The following EOGT variants were observed in gnomAD, a reference collection of about 807,000 sequenced individuals.
The protein encoded by EOGT is EGF domain specific O-linked N-acetylglucosamine transferase, also known as EGF domain-specific O-linked N-acetylglucosamine transferase.
Under a neutral mutation model 70.5 loss-of-function variants are expected in EOGT, and 55 were observed. The observed-to-expected ratio is 0.78, with a 90% CI of 0.63 to 0.98. The LOEUF (loss-of-function observed/expected upper bound fraction) is 0.98. Ranked by LOEUF, EOGT falls within the 50% of genes least tolerant of loss-of-function variation. The pLI, the probability that EOGT is intolerant of heterozygous loss-of-function variation, is 0.00. For synonymous variants in EOGT, 246 were observed against 217.1 expected (o/e 1.13, Z -1.17); for missense variants, 703 against 641.9 (o/e 1.10, Z -1.03).
intron 14 of EOGT, among the ~76,000 whole-genome samples, chr3:68,986,068 C>T (rs945014824): frequency 1.1e-4 from 16 of 152,310 alleles, no homozygotes; most frequent in Admixed American, 3.3e-4. Flanking sequence ...CCCTCTCCCA[C>T]TTTTAAGGAA....
chr3:69,010,840 A>T (rs998103863), intron 3 of EOGT, among the ~76,000 whole-genome samples: 1 of 152,212 alleles, frequency 6.6e-6, no homozygotes, highest in African/African-American at 2.4e-5. Flanking sequence ...AATCATAATC[A>T]AGGTATGAGC....
chr3:68,986,239 G>A (rs1407181314), intron 14 of EOGT, among the ~76,000 whole-genome samples: 1 of 152,120 alleles, frequency 6.6e-6, no homozygotes, highest in African/African-American at 2.4e-5. Flanking sequence ...AAGGCCAGTT[G>A]GTTGGGGACC....
At chr3:68,997,204 G>A (rs1446862542) in intron 10 of EOGT, among the ~76,000 whole-genome samples, 1 of 152,186 alleles carries the variant, frequency 6.6e-6, no homozygotes, top group Non-Finnish European at 1.5e-5. Context: ...GCATGCCTAA[G>A]ACCTGCCCTT....
chr3:69,011,506 G>T (rs1192721597), intron 3 of EOGT, among the ~76,000 whole-genome samples: 2 of 148,836 alleles, frequency 1.3e-5, no homozygotes, highest in Non-Finnish European at 3.0e-5. Flanking sequence ...GAAGTGGGAG[G>T]ATCACTTTAG....
chr3:68,994,304 C>T (rs2091082956), intron 10 of EOGT, among the ~76,000 whole-genome samples: 1 of 151,994 alleles, frequency 6.6e-6, no homozygotes, highest in Non-Finnish European at 1.5e-5. Flanking sequence ...GGATCATATT[C>T]CTGGACTTTA....
Position 68,975,800 on chromosome 3 carries a change from G to A in EOGT, c.*1818C>T, listed in dbSNP as rs2107093391. ...TAATAAATATTCCTCAATTCTAGAA[G>A]ACTGTTCCAATCCTTTAAAGTGGGG... On this transcript the variant is annotated 3_prime_UTR_variant, in exon 18 of 18. Coordinates refer to ENST00000383701, the MANE Select transcript of EOGT (RefSeq NM_001278689.2). 6.6e-6 allele frequency: 1 copy of A among 152,252 alleles called. No homozygotes were observed. Among genetic ancestry groups the A allele is most frequent in the African/African-American group, 2.4e-5 (1 of 41,546 alleles). 9.4% of individuals were successfully genotyped at this position (152,252 alleles called of 1,614,324 possible).
chr3:68,987,868 T>C, intron 13 of EOGT: 1 of 340,364 alleles, frequency 2.9e-6, no homozygotes, highest in Non-Finnish European at 5.3e-6. Context: ...TTAGCTTCTC[T>C]TTTATAGGTT....
In EOGT at chr3:68,988,319, T is replaced by A. The variant is rs947068219; in HGVS notation, c.1059A>T (p.Leu353=). The change falls in exon 13 of 18, where the codon CTA becomes CTT. Residue 353 remains leucine, a synonymous_variant. Coordinates refer to ENST00000383701, the MANE Select transcript of EOGT (RefSeq NM_001278689.2). ...CCTTAGGTCCTTCTTGTGTGATGTT[T>A]AGTCTGTGTAGTACATGCTGGGCAA... ...RAFAQHVLHR[L]NITQEGPKDG... 6.5e-7 allele frequency: 1 copy of A among 1,535,910 alleles called. No individual in the cohort carries two copies. The highest frequency in any genetic ancestry group is 8.7e-7 in the Non-Finnish European group (1 of 1,146,786).
Position 68,980,711 on chromosome 3 carries a change from G to A in EOGT, c.1215-924C>T, listed in dbSNP as rs745412274. 3.2e-4 allele frequency among the ~76,000 whole-genome samples: 48 copies of A among 152,192 alleles called. 1 individual carries two copies. Among genetic ancestry groups the A allele is most frequent in the Admixed American group, 5.9e-4 (9 of 15,286 alleles). On this transcript the variant is annotated intron_variant, in intron 15 of 17. Transcript: ENST00000383701. ...GCTCCATGTGTATGTGTATCACAAC[G>A]AGAACATGTGCCTCAGTTTCTCCAG... is the stretch of plus-strand genomic sequence containing the variant.
chr3:68,998,138 A>G, intron 9 of EOGT, 24 bp from the exon 10 acceptor site: 1 of 1,232,870 alleles, frequency 8.1e-7, no homozygotes, highest in Middle Eastern at 1.9e-4. Context: ...ATGAAACTAC[A>G]TTAATTAACA....
At chr3:68,989,712 C>T (rs950211380) in intron 10 of EOGT, among the ~76,000 whole-genome samples, 1 of 146,010 alleles carries the variant, frequency 6.8e-6, no homozygotes, top group Non-Finnish European at 1.5e-5. Flanking sequence ...CATGCCATTG[C>T]ACTCCAGCCT....
At chr3:68,999,849 C>T (rs2091250035) in intron 9 of EOGT, among the ~76,000 whole-genome samples, 1 of 152,148 alleles carries the variant, frequency 6.6e-6, no homozygotes, top group Non-Finnish European at 1.5e-5. Flanking sequence ...AAAACATAAG[C>T]TCCATCCTTG....
rs759806824 is a variant in EOGT at position 69,009,863 on chromosome 3, A to G, written c.-14-3T>C. 6.2e-7 allele frequency: 1 copy of G among 1,605,574 alleles called. No homozygotes were observed. The highest frequency in any genetic ancestry group is 8.5e-7 in the Non-Finnish European group (1 of 1,174,152). On this transcript the variant is annotated splice_polypyrimidine_tract_variant and splice_region_variant and intron_variant, in intron 3 of 17. Transcript: ENST00000383701. Reference sequence around the variant, plus strand: ...CATTAACATAGCAACCTGCAAACCTAGAGATCAAAATGAAGACAACTTTGT... The same window carrying G: ...CATTAACATAGCAACCTGCAAACCTGGAGATCAAAATGAAGACAACTTTGT...
At chr3:68,989,455 G>C (rs1249008101) in intron 10 of EOGT, among the ~76,000 whole-genome samples, 7 of 152,002 alleles carry the variant, frequency 4.6e-5, no homozygotes, top group Admixed American at 2.6e-4. Context: ...TGGGTTCAAA[G>C]TTTTAACACT....
chr3:68,983,547 C>T (rs994615711), intron 14 of EOGT, among the ~76,000 whole-genome samples: 5 of 152,220 alleles, frequency 3.3e-5, no homozygotes, highest in African/African-American at 1.2e-4. Flanking sequence ...GTCATGTTGC[C>T]TTGTGGCATG....
Position 69,013,659 on chromosome 3 carries a change from A to G in EOGT, c.-441T>C, listed in dbSNP as rs777883068. 109 of 152,782 alleles carry G rather than the reference A, an allele frequency of 7.1e-4. No homozygotes were observed. Among genetic ancestry groups the G allele is most frequent in the Middle Eastern group, 3.3e-3 (1 of 300 alleles). 9.5% of individuals were successfully genotyped at this position (152,782 alleles called of 1,614,324 possible). ...GAGGAGGGAGTCGTCATAACCGGCT[A>G]CTGCCGCTCACCGGAAACCTCGGGC... On this transcript the variant is annotated 5_prime_UTR_variant, in exon 1 of 18. Coordinates refer to ENST00000383701, the MANE Select transcript of EOGT (RefSeq NM_001278689.2).
chr3:69,008,643 C>T (rs1015377272), intron 4 of EOGT, 115 bp from the exon 5 acceptor site: 23 of 696,426 alleles, frequency 3.3e-5, no homozygotes, highest in Non-Finnish European at 3.7e-5. Context: ...ATTTATAATA[C>T]GTATTCTTAT....
At chr3:68,987,413 G>T (rs943039027) in intron 14 of EOGT, 32 bp downstream of exon 14, 10 of 1,354,468 alleles carry the variant, frequency 7.4e-6, no homozygotes, top group Middle Eastern at 1.8e-4. Context: ...AATTGAATAT[G>T]AAGGCATTAA....
intron 10 of EOGT, among the ~76,000 whole-genome samples, chr3:68,989,776 GT>G (rs1294502720): frequency 4.8e-5 from 7 of 145,160 alleles, no homozygotes; most frequent in African/African-American, 1.8e-4. Flanking sequence ...AAAAAGAAAG[GT>G]TTAACATTAA....
Sources: allele counts gnomAD v4.1 joint callset (sites outside exome capture counted in the v4.1 genomes callset), GRCh38; gene constraint gnomAD v4.1.1; transcripts MANE v1.5; gene names NCBI Gene and HGNC (gene_info 2026-07-23, HGNC 2026-07-21).